The following FNDC1 variants were observed in gnomAD, a reference collection of about 807,000 sequenced individuals.
FNDC1 encodes the protein fibronectin type III domain-containing protein 1.
Under a neutral mutation model 168.0 loss-of-function variants are expected in FNDC1, and 96 were observed. That is an observed-to-expected ratio of 0.57 (90% CI 0.48 to 0.68). FNDC1 has a LOEUF of 0.68. Among genes scored for constraint, FNDC1 ranks in the 30% least tolerant of loss-of-function variants. The pLI is 0.00. For missense variants in FNDC1, 2,587 were observed against 2,482.1 expected, an observed-to-expected ratio of 1.04 and a Z score of -0.90; for synonymous variants, 1,099 against 1,025.9, an observed-to-expected ratio of 1.07 and a Z score of -1.36.
Position 159,233,973 on chromosome 6 carries a change from C to T in FNDC1, c.3461C>T (p.Ala1154Val), listed in dbSNP as rs754220455. The T allele has an allele frequency of 7.5e-6, 12 of 1,593,146 alleles. No homozygotes were observed. The highest frequency in any genetic ancestry group is 7.7e-6 in the Non-Finnish European group (9 of 1,170,300). The change falls in exon 11 of 23, where the codon GCA becomes GTA. Residue 1154 changes from alanine (A) to valine (V), a missense_variant. Physicochemically the swap from Ala to Val is moderately conservative, Grantham distance 64. Transcript: ENST00000297267. This position sits in a 1 kb window ranked among gnomAD's most constrained non-coding sequence, Gnocchi z 4.6. Reference sequence around the variant, plus strand: ...TCCCGCGCCCGGGTACCCAGCAGGGCAGCGCCGGGGAAGTCGGAGCCTCCT... The same window carrying T: ...TCCCGCGCCCGGGTACCCAGCAGGGTAGCGCCGGGGAAGTCGGAGCCTCCT... The part of the protein sequence containing the change: ...PQSRARVPSR[A>V]APGKSEPPSK...
chr6:159,201,920 G>T (rs946046476), intron 4 of FNDC1, among the ~76,000 whole-genome samples: 2 of 152,200 alleles, frequency 1.3e-5, no homozygotes, highest in Non-Finnish European at 2.9e-5. Context: ...TTTTTCAGAA[G>T]TAATTAATTT....
rs1782958164 is a variant in FNDC1 at position 159,226,540 on chromosome 6, A to G, written c.1140A>G (p.Ala380=). The change falls in exon 9 of 23, where the codon GCA becomes GCG. Residue 380 remains alanine, a synonymous_variant. Coordinates refer to ENST00000297267, the MANE Select transcript of FNDC1 (RefSeq NM_032532.3). The part of the protein sequence containing the change: ...PVNGKPTVVA[A]SWDALPETEG... ...ATGGCAAACCTACAGTTGTCGCTGC[A>G]TCTTGGGATGCGCTACCAGAGACTG... 1 of 1,610,748 alleles carries G rather than the reference A, an allele frequency of 6.2e-7. No homozygotes were observed. Among genetic ancestry groups the G allele is most frequent in the Non-Finnish European group, 8.5e-7 (1 of 1,178,516 alleles).
intron 1 of FNDC1, among the ~76,000 whole-genome samples, chr6:159,185,076 G>GA (rs936304710): frequency 9.6e-5 from 9 of 93,344 alleles, no homozygotes; most frequent in African/African-American, 2.5e-4. Flanking sequence ...GTGGGGGGGG[G>GA]GGAATCTTGT....
chr6:159,170,729 G>A (rs73799311), intron 1 of FNDC1, among the ~76,000 whole-genome samples: 48 of 152,236 alleles, frequency 3.2e-4, no homozygotes, highest in African/African-American at 1.0e-3. Flanking sequence ...TGACTTTTTG[G>A]TAGATACATC....
At chr6:159,200,928 G>T (rs2114950215) in intron 4 of FNDC1, among the ~76,000 whole-genome samples, 1 of 152,342 alleles carries the variant, frequency 6.6e-6, no homozygotes, top group South Asian at 2.1e-4. Flanking sequence ...ATCAATGAAT[G>T]GGGTCCCCCC....
At chr6:159,229,216 A>G (rs897432586) in intron 9 of FNDC1, among the ~76,000 whole-genome samples, 8 of 152,250 alleles carry the variant, frequency 5.3e-5, no homozygotes, top group African/African-American at 1.7e-4. Flanking sequence ...ATTAGCTATC[A>G]CATAAATCTA....
chr6:159,255,823 A>G (rs1777359217), intron 17 of FNDC1, among the ~76,000 whole-genome samples: 1 of 152,224 alleles, frequency 6.6e-6, no homozygotes, highest in Non-Finnish European at 1.5e-5. Flanking sequence ...AGGATATGGG[A>G]TGCGCTGAGC....
intron 16 of FNDC1, 134 bp downstream of exon 16, chr6:159,249,316 G>A: frequency 1.0e-5 from 8 of 780,130 alleles, no homozygotes; most frequent in Non-Finnish European, 1.0e-5. Flanking sequence ...TTTCCACTGG[G>A]GATAATTGAG....
intron 17 of FNDC1, 35 bp downstream of exon 17, chr6:159,251,567 C>A: frequency 6.4e-7 from 1 of 1,567,346 alleles, no homozygotes; most frequent in Non-Finnish European, 8.7e-7. Flanking sequence ...TTCCCATGAT[C>A]TGTAGGTGGG....
At chr6:159,246,829 C>A in intron 14 of FNDC1, 72 bp from the exon 15 acceptor site, 1 of 1,063,824 alleles carries the variant, frequency 9.4e-7, no homozygotes, top group South Asian at 1.3e-5. Context: ...TTGTCACGCT[C>A]TGGGGCCTGC....
intron 14 of FNDC1, among the ~76,000 whole-genome samples, chr6:159,242,181 A>G (rs1270069256): frequency 1.3e-5 from 2 of 152,244 alleles, no homozygotes; most frequent in African/African-American, 2.4e-5. Flanking sequence ...TGTGCTTTGC[A>G]GGGACATGGA....
Position 159,268,101 on chromosome 6 carries a change from C to T in FNDC1, c.5569+175C>T, listed in dbSNP as rs383207. ...GAATCAACAAAATACTTCTATTATG[C>T]ATGGGTGAGGGGGTGAGTCTCAAGG... On this transcript the variant is annotated intron_variant, in intron 22 of 22. Transcript: ENST00000297267. Among the ~76,000 whole-genome samples the T allele has an allele frequency of 0.64, 96,517 of 151,874 alleles. 32,156 individuals are homozygous for T. Among genetic ancestry groups the T allele is most frequent in the Middle Eastern group, 0.75 (221 of 294 alleles).
chr6:159,240,985 T>C (rs1237872181), intron 14 of FNDC1: 4 of 152,364 alleles, frequency 2.6e-5, no homozygotes, highest in East Asian at 1.9e-4. Flanking sequence ...AGTTTGAACA[T>C]GAATACTGTA....
intron 14 of FNDC1, chr6:159,243,474 A>G (rs1783472558): frequency 1.3e-5 from 2 of 152,222 alleles, no homozygotes; most frequent in African/African-American, 4.8e-5. Context: ...ATAATTTTTA[A>G]AAATATTTTG....
intron 18 of FNDC1, among the ~76,000 whole-genome samples, chr6:159,258,048 G>A (rs1036964362): frequency 3.3e-5 from 5 of 152,050 alleles, no homozygotes; most frequent in East Asian, 1.9e-4. Flanking sequence ...CTGACTCGCC[G>A]AGTCCAGCGT....
chr6:159,231,722 G>A (rs1032077929), intron 10 of FNDC1, among the ~76,000 whole-genome samples, 160 bp from the exon 11 acceptor site: 2 of 152,140 alleles, frequency 1.3e-5, no homozygotes, highest in East Asian at 1.9e-4. Flanking sequence ...GAATGCTATC[G>A]TTGAGAAAAC....
chr6:159,233,081 G>A lies in FNDC1; in HGVS notation c.2569G>A (p.Ala857Thr). Residue 857 changes from alanine to threonine, a missense_variant, in exon 11 of 23, where the codon GCC (alanine) becomes ACC (threonine). Transcript: ENST00000297267. The surrounding 1 kb of genome is among the most constrained non-coding windows in gnomAD (Gnocchi z 4.6). Reference sequence around the variant, plus strand: ...CCCACAGTCGACTGTGCCCTCCCGAGCCCACCCCAGGGTTCCCTCTCACTC... The same window carrying A: ...CCCACAGTCGACTGTGCCCTCCCGAACCCACCCCAGGGTTCCCTCTCACTC... Reference protein sequence around the residue: ...SSPQSTVPSRAHPRVPSHSDS... With the variant: ...SSPQSTVPSRTHPRVPSHSDS... 1.2e-6 allele frequency: 2 copies of A among 1,604,190 alleles called. No individual in the cohort carries two copies. The highest frequency in any genetic ancestry group is 1.7e-6 in the Non-Finnish European group (2 of 1,175,688).
In FNDC1 at chr6:159,219,719, G is replaced by T. The variant is rs147679901; in HGVS notation, c.668-1879G>T. On this transcript the variant is annotated intron_variant, in intron 5 of 22. Coordinates refer to ENST00000297267, the MANE Select transcript of FNDC1 (RefSeq NM_032532.3). The stretch of plus-strand genomic sequence containing the variant: ...TAGTTTCAAGAGTGCAGCAAATCAA[G>T]AAATCTGGGCATTAAAAAAAAATCT... Among the ~76,000 whole-genome samples the T allele has an allele frequency of 3.6e-3, 550 of 152,194 alleles. 4 individuals carry two copies. The highest frequency in any genetic ancestry group is 0.013 in the African/African-American group (526 of 41,540).
chr6:159,196,470 C>T (rs1782242541), intron 1 of FNDC1, among the ~76,000 whole-genome samples: 1 of 152,194 alleles, frequency 6.6e-6, no homozygotes, highest in African/African-American at 2.4e-5. Flanking sequence ...CATACTAACT[C>T]ACATATGTGT....
Sources: allele counts gnomAD v4.1 joint callset (sites outside exome capture counted in the v4.1 genomes callset), GRCh38; gene constraint gnomAD v4.1.1; non-coding constraint Gnocchi (gnomAD v3.1); transcripts MANE v1.5; gene names NCBI Gene and HGNC (gene_info 2026-07-23, HGNC 2026-07-21).